HCN4: variants seen among roughly 807,000 people sequenced by gnomAD.
The protein encoded by HCN4 is hyperpolarization activated cyclic nucleotide gated potassium channel 4.
In HCN4, 29 loss-of-function variants were observed where a neutral mutation model predicts 76.9. That is an observed-to-expected ratio of 0.38 (90% CI 0.28 to 0.51). The LOEUF (loss-of-function observed/expected upper bound fraction) is 0.51. Ranked by LOEUF, HCN4 falls within the 20% of genes least tolerant of loss-of-function variation. The probability of loss-of-function intolerance (pLI) is 0.90; values close to 1 mark genes in which losing one functional copy is unlikely to be tolerated. For missense variants in HCN4, 1,416 were observed against 1,715.2 expected, an observed-to-expected ratio of 0.83 and a Z score of 3.08; for synonymous variants, 772 against 762.5, an observed-to-expected ratio of 1.01 and a Z score of -0.21.
rs752597565 is a variant in HCN4 at position 73,368,147 on chromosome 15, C to G, written c.124G>C (p.Asp42His). ...AGCCGGATGCTCCTGCGGCTGGGGT[C>G]TTGGCGGCCCCCGGCCCCCTCCTCC... ...AEEEGAGGRQDPSRRSIRLRP... is the reference protein window; with the variant it reads ...AEEEGAGGRQHPSRRSIRLRP... Residue 42 changes from aspartate (D) to histidine (H), a missense_variant, in exon 1 of 8, where the codon GAC (aspartate) becomes CAC (histidine). Transcript: ENST00000261917. This position sits in a 1 kb window ranked among gnomAD's most constrained non-coding sequence, Gnocchi z 6.9. 3.4e-5 allele frequency: 51 copies of G among 1,521,762 alleles called. No individual in the cohort carries two copies. Among genetic ancestry groups the G allele is most frequent in the Non-Finnish European group, 4.2e-5 (48 of 1,136,416 alleles). 94.3% of individuals were successfully genotyped at this position (1,521,762 alleles called of 1,614,324 possible).
intron 2 of HCN4, among the ~76,000 whole-genome samples, chr15:73,340,034 C>T (rs950980005): frequency 6.6e-6 from 1 of 152,152 alleles, no homozygotes; most frequent in Non-Finnish European, 1.5e-5. Context: ...CGAGATGGGG[C>T]GGCACGTCTA....
chr15:73,348,785 C>T (rs2043040056), intron 1 of HCN4, among the ~76,000 whole-genome samples: 3 of 152,212 alleles, frequency 2.0e-5, no homozygotes, highest in Admixed American at 2.0e-4. Flanking sequence ...GAGCAGCACA[C>T]TCAGTGCCCC....
rs1464478840 is a variant in HCN4, at chr15:73,321,580, G to A, written c.*901C>T. On this transcript the variant is annotated 3_prime_UTR_variant, in exon 8 of 8. Transcript: ENST00000261917. ...CCACTGTACAGATGGGCAAACTGAC[G>A]GCCCCAGAGGTGGCGGTGTGTGCTT... is the stretch of plus-strand genomic sequence containing the variant. 2.6e-5 allele frequency: 4 copies of A among 152,648 alleles called. No individual in the cohort carries two copies. Among genetic ancestry groups the A allele is most frequent in the East Asian group, 1.9e-4 (1 of 5,194 alleles). The allele number at this position is 152,648 out of a possible 1,614,324, so 9.5% of individuals were successfully genotyped here.
intron 2 of HCN4, among the ~76,000 whole-genome samples, chr15:73,334,999 G>A (rs543164344): frequency 1.1e-3 from 174 of 152,066 alleles, no homozygotes; most frequent in Non-Finnish European, 1.8e-3. Flanking sequence ...AGACAGAGAC[G>A]ATCTCTTTGT....
intron 2 of HCN4, among the ~76,000 whole-genome samples, chr15:73,337,192 TCTCA>T (rs746600750): frequency 6.6e-6 from 1 of 152,224 alleles, no homozygotes; most frequent in Non-Finnish European, 1.5e-5. Flanking sequence ...CCCTTCCCAT[TCTCA>T]CTGTGACTCT....
intron 1 of HCN4, among the ~76,000 whole-genome samples, chr15:73,355,200 A>G (rs2043072487): frequency 6.6e-6 from 1 of 152,186 alleles, no homozygotes; most frequent in Non-Finnish European, 1.5e-5. Flanking sequence ...GGCCCATGCT[A>G]TGCGATGGAA....
At chr15:73,348,140 A>G (rs977459204) in intron 1 of HCN4, among the ~76,000 whole-genome samples, 1 of 152,264 alleles carries the variant, frequency 6.6e-6, no homozygotes, top group Non-Finnish European at 1.5e-5. Context: ...CATAGCCTCA[A>G]GGGAGCTGAG....
intron 2 of HCN4, among the ~76,000 whole-genome samples, chr15:73,340,697 C>T: frequency 6.6e-6 from 1 of 152,228 alleles, no homozygotes; most frequent in African/African-American, 2.4e-5. Flanking sequence ...CTGCCACTGC[C>T]CTCCCACTCT....
chr15:73,324,859 C>G (rs2042889070), intron 6 of HCN4, 96 bp downstream of exon 6: 1 of 1,503,044 alleles, frequency 6.7e-7, no homozygotes, highest in Non-Finnish European at 9.1e-7. Flanking sequence ...AGGCTGTGGC[C>G]AAGAAGGGTG....
intron 2 of HCN4, among the ~76,000 whole-genome samples, chr15:73,338,654 G>A (rs1012760775): frequency 2.6e-5 from 4 of 152,188 alleles, no homozygotes; most frequent in African/African-American, 9.7e-5. Context: ...GCCAGAAATT[G>A]GAGGTCTGGC....
In HCN4 at chr15:73,323,264, G is replaced by T; in HGVS notation, c.2829C>A (p.Pro943=). ...GGCCTCCCCGGGCCCCGGGTGGCGC[G>T]GGAGATGGCTGGGCAGCCTGCGGGG... The part of the protein sequence containing the change: ...ARSPQAAQPS[P]APPGARGGLG... The change falls in exon 8 of 8, where the codon CCC becomes CCA. Residue 943 remains proline (P), a synonymous_variant. Coordinates refer to ENST00000261917, the MANE Select transcript of HCN4 (RefSeq NM_005477.3). The T allele has an allele frequency of 2.6e-6, 4 of 1,527,886 alleles. No homozygotes were observed. Among genetic ancestry groups the T allele is most frequent in the Non-Finnish European group, 3.5e-6 (4 of 1,137,028 alleles). The allele number at this position is 1,527,886 out of a possible 1,614,324, so 94.6% of individuals were successfully genotyped here. A position where few individuals can be genotyped will look rare whatever the true frequency, so the allele number is the denominator to read the frequency against.
In HCN4 at chr15:73,322,447, A is replaced by G; in HGVS notation, c.*34T>C. 6.6e-7 allele frequency: 1 copy of G among 1,504,624 alleles called. No homozygotes were observed. Among genetic ancestry groups the G allele is most frequent in the Non-Finnish European group, 9.1e-7 (1 of 1,102,120 alleles). The allele number at this position is 1,504,624 out of a possible 1,614,324, so 93.2% of individuals were successfully genotyped here. A position where few individuals can be genotyped will look rare whatever the true frequency, so the allele number is the denominator to read the frequency against. The stretch of plus-strand genomic sequence containing the variant: ...ACCTGAAGGAAGAAGGAAGGGAGAG[A>G]AAAGAAGAAAGAAGAGGGAAGGAAG... On this transcript the variant is annotated 3_prime_UTR_variant, in exon 8 of 8. Coordinates refer to ENST00000261917, the MANE Select transcript of HCN4 (RefSeq NM_005477.3).
In HCN4 at chr15:73,343,275, C is replaced by T; in HGVS notation, c.1209+110G>A. 9.5e-7 allele frequency: 1 copy of T among 1,056,260 alleles called. No individual in the cohort carries two copies. The highest frequency in any genetic ancestry group is 1.4e-6 in the Non-Finnish European group (1 of 697,840). The allele number at this position is 1,056,260 out of a possible 1,614,324, so 65.4% of individuals were successfully genotyped here. A position where few individuals can be genotyped will look rare whatever the true frequency, so the allele number is the denominator to read the frequency against. On this transcript the variant is annotated intron_variant, in intron 2 of 7. Coordinates refer to ENST00000261917, the MANE Select transcript of HCN4 (RefSeq NM_005477.3). This position sits in a 1 kb window ranked among gnomAD's most constrained non-coding sequence, Gnocchi z 5.7. The stretch of plus-strand genomic sequence containing the variant: ...TATTTGTCCTCTTGGAGCAGGTGTG[C>T]CTGCCACAATCTGACAGCCTATGTT...
intron 4 of HCN4, among the ~76,000 whole-genome samples, 179 bp downstream of exon 4, chr15:73,329,394 G>A (rs552859914): frequency 1.3e-5 from 2 of 152,240 alleles, no homozygotes; most frequent in Non-Finnish European, 2.9e-5. Flanking sequence ...AGGCCAGGGA[G>A]CTGAAACTCA....
chr15:73,340,973 C>T (rs1206819169), intron 2 of HCN4: 1 of 152,144 alleles, frequency 6.6e-6, no homozygotes, highest in Non-Finnish European at 1.5e-5. Flanking sequence ...CCTCACTTGA[C>T]ACATGAGGAT....
chr15:73,360,761 G>C (rs992731510), intron 1 of HCN4, among the ~76,000 whole-genome samples: 1 of 152,162 alleles, frequency 6.6e-6, no homozygotes, highest in Non-Finnish European at 1.5e-5. Flanking sequence ...CACATGGTAG[G>C]TGCTTTGTAA....
Position 73,368,019 on chromosome 15 carries a change from C to T in HCN4, c.252G>A (p.Ala84=), listed in dbSNP as rs2043137516. 7 of 1,420,504 alleles carry T rather than the reference C, an allele frequency of 4.9e-6. No homozygotes were observed. The highest frequency in any genetic ancestry group is 2.9e-5 in the South Asian group (2 of 68,424). The allele number at this position is 1,420,504 out of a possible 1,614,324, so 88.0% of individuals were successfully genotyped here. ...AADSEGPARG[A]GKSSTNGDCR... Reference sequence around the variant, plus strand: ...AGTCGCCGTTCGTGCTGGACTTGCCCGCGCCGCGGGCCGGCCCTTCGCTGT... The same window carrying T: ...AGTCGCCGTTCGTGCTGGACTTGCCTGCGCCGCGGGCCGGCCCTTCGCTGT... Residue 84 remains alanine (A), a synonymous_variant, in exon 1 of 8, where the codon GCG becomes GCA. Transcript: ENST00000261917. The surrounding 1 kb of genome is among the most constrained non-coding windows in gnomAD (Gnocchi z 6.9).
chr15:73,346,048 T>A (rs531943245), intron 1 of HCN4, among the ~76,000 whole-genome samples: 7 of 152,334 alleles, frequency 4.6e-5, no homozygotes, highest in African/African-American at 1.7e-4. Context: ...AAAACACCCA[T>A]TTCCTCGCAC....
intron 1 of HCN4, among the ~76,000 whole-genome samples, chr15:73,359,217 C>T (rs2043094331): frequency 6.6e-6 from 1 of 152,184 alleles, no homozygotes; most frequent in Non-Finnish European, 1.5e-5. Context: ...GCTGGGGGAG[C>T]AGTGGGTGGA....
Sources: gnomAD v4.1 joint callset for allele counts (sites outside exome capture counted in the v4.1 genomes callset) on GRCh38, gnomAD v4.1.1 for gene constraint, Gnocchi (gnomAD v3.1) non-coding constraint, MANE v1.5 for transcripts, NCBI Gene and HGNC (gene_info 2026-07-23, HGNC 2026-07-21) for gene names.